The following AHI1 variants were observed in gnomAD, a reference collection of about 807,000 sequenced individuals.
AHI1 encodes jouberin.
A neutral mutation model predicts 149.3 loss-of-function variants in AHI1; 123 were observed. The observed-to-expected ratio is 0.82, with a 90% CI of 0.71 to 0.96. The LOEUF is 0.96. Among genes scored for constraint, AHI1 ranks in the 40% least tolerant of loss-of-function variants. AHI1 has a pLI of 0.00. For synonymous variants in AHI1, 475 were observed against 459.8 expected, an observed-to-expected ratio of 1.03 and a Z score of -0.42; for missense variants, 1,439 against 1,422.7, an observed-to-expected ratio of 1.01 and a Z score of -0.18.
chr6:135,431,123 T>C (rs1562753137), intron 17 of AHI1, 85 bp downstream of exon 17: 2 of 823,482 alleles, frequency 2.4e-6, no homozygotes, highest in Admixed American at 2.9e-5. Context: ...GAACAGAATG[T>C]CCTGACATCC....
chr6:135,348,039 A>G lies in AHI1; in HGVS notation c.3165+10093T>C, dbSNP rs533785354. Among the ~76,000 whole-genome samples, 32 of 152,334 alleles carry G rather than the reference A, an allele frequency of 2.1e-4. No individual in the cohort carries two copies. The East Asian group carries it at 3.3e-3, about 16-fold the overall frequency. On this transcript the variant is annotated intron_variant, in intron 24 of 28. Coordinates refer to ENST00000265602, the MANE Select transcript of AHI1 (RefSeq NM_001134831.2). ...GTGACCCAATTATGTAGTTATACCA[A>G]GGGTGTCTGTGTTAGTGACGGCCGT...
chr6:135,418,944 ATTTTTTT>A (rs560654045), intron 20 of AHI1, among the ~76,000 whole-genome samples: 1 of 141,396 alleles, frequency 7.1e-6, no homozygotes, highest in Admixed American at 7.1e-5. Flanking sequence ...AGTACTTATA[ATTTTTTT>A]TTTTTTTTTG....
intron 22 of AHI1, among the ~76,000 whole-genome samples, chr6:135,404,442 T>C (rs552393889): frequency 9.2e-5 from 14 of 152,314 alleles, no homozygotes; most frequent in Admixed American, 2.0e-4. Flanking sequence ...CTTTCTAAAA[T>C]TGGAATAACA....
At chr6:135,432,988 C>A (rs532104700) in intron 16 of AHI1, 39 bp downstream of exon 16, 3 of 1,490,752 alleles carry the variant, frequency 2.0e-6, no homozygotes, top group Admixed American at 1.7e-5. Flanking sequence ...AAAAAAAATT[C>A]TTCACATAGC....
At chr6:135,372,315 A>G (rs1775181933) in intron 23 of AHI1, among the ~76,000 whole-genome samples, 4 of 152,212 alleles carry the variant, frequency 2.6e-5, no homozygotes, top group Admixed American at 2.6e-4. Flanking sequence ...TGGTAGTGAT[A>G]CTGATGACAA....
chr6:135,297,717 C>A (rs780131855), intron 27 of AHI1, among the ~76,000 whole-genome samples: 1 of 150,654 alleles, frequency 6.6e-6, no homozygotes, highest in African/African-American at 2.4e-5. Context: ...AGGCAGAAAA[C>A]GGATAATAAA....
At chr6:135,368,709 T>C (rs1749052313) in intron 23 of AHI1, among the ~76,000 whole-genome samples, 1 of 151,950 alleles carries the variant, frequency 6.6e-6, no homozygotes, top group African/African-American at 2.4e-5. Flanking sequence ...CTCACCCAGT[T>C]CCCATGCATC....
At chr6:135,316,176 C>T (rs73776482) in intron 26 of AHI1, among the ~76,000 whole-genome samples, 11,019 of 152,144 alleles carry the variant, frequency 0.072, 1,269 homozygotes, top group African/African-American at 0.24. Context: ...AAAGTACTTC[C>T]TGCTTCCTCC....
chr6:135,474,762 G>C (rs1301267418), intron 5 of AHI1, among the ~76,000 whole-genome samples: 1 of 152,144 alleles, frequency 6.6e-6, no homozygotes, highest in Admixed American at 6.5e-5. Flanking sequence ...GTATATTCCT[G>C]ACATAAACTC....
intron 24 of AHI1, among the ~76,000 whole-genome samples, chr6:135,339,459 A>G (rs576508458): frequency 1.3e-5 from 2 of 152,320 alleles, no homozygotes; most frequent in South Asian, 4.1e-4. Context: ...GAAAGTATAC[A>G]TGTACCTCAC....
chr6:135,432,954 G>A, intron 16 of AHI1, 73 bp downstream of exon 16: 4 of 1,144,148 alleles, frequency 3.5e-6, no homozygotes, highest in Non-Finnish European at 3.9e-6. Flanking sequence ...ACCCTCTCAA[G>A]CCTAAATAAC....
At chr6:135,394,187 C>CTTTGTGGT (rs2128484153) in intron 23 of AHI1, among the ~76,000 whole-genome samples, 1 of 152,076 alleles carries the variant, frequency 6.6e-6, no homozygotes, top group South Asian at 2.1e-4. Context: ...CAGAAAAAGT[C>CTTTGTGGT]ATCTTTCAAT....
chr6:135,395,336 T>C (rs549053648), intron 22 of AHI1, among the ~76,000 whole-genome samples: 1 of 152,114 alleles, frequency 6.6e-6, no homozygotes, highest in East Asian at 1.9e-4. Context: ...CTCATGTTTA[T>C]ATACATCATG....
At chr6:135,496,398 G>A (rs754395651) in intron 2 of AHI1, among the ~76,000 whole-genome samples, 14 of 152,154 alleles carry the variant, frequency 9.2e-5, no homozygotes, top group African/African-American at 2.9e-4. Context: ...GATTACAGGC[G>A]TGACCCACTG....
intron 25 of AHI1, among the ~76,000 whole-genome samples, chr6:135,322,453 A>G (rs899280958): frequency 6.7e-6 from 1 of 149,734 alleles, no homozygotes; most frequent in Admixed American, 6.8e-5. Flanking sequence ...TCAGAAACTC[A>G]TATTTAGATT....
chr6:135,487,085 T>C (rs1356572044), intron 5 of AHI1, among the ~76,000 whole-genome samples: 1 of 152,164 alleles, frequency 6.6e-6, no homozygotes, highest in Non-Finnish European at 1.5e-5. Flanking sequence ...TAAAAGTCTA[T>C]TTTTGAACCC....
rs1241659240 is a variant in AHI1 at position 135,340,640 on chromosome 6, CATATATATACATACATACATATATAT to C, written c.3166-17342_3166-17317del. 5.5e-5 allele frequency among the ~76,000 whole-genome samples: 4 copies of C among 72,628 alleles called. No individual in the cohort carries two copies. In the South Asian group the frequency reaches 1.8e-3, roughly 33 times the overall value. 47.6% of individuals were successfully genotyped at this position (72,628 alleles called of 152,430 possible). A position where few individuals can be genotyped will look rare whatever the true frequency, so the allele number is the denominator to read the frequency against. On this transcript the variant is annotated intron_variant, in intron 24 of 28. Transcript: ENST00000265602. ...ACTACACAAAATATAAAAACCAGTA[CATATATATACATACATACATATATAT>C]ATATATATATATATATATATATATA...
intron 21 of AHI1, among the ~76,000 whole-genome samples, chr6:135,409,575 T>C (rs986634259): frequency 7.2e-5 from 11 of 152,166 alleles, no homozygotes; most frequent in Non-Finnish European, 1.6e-4. Flanking sequence ...TCCCCACTGA[T>C]TTATCTTTCT....
intron 13 of AHI1, among the ~76,000 whole-genome samples, chr6:135,446,254 A>G (rs1383291808): frequency 6.6e-6 from 1 of 152,204 alleles, no homozygotes; most frequent in Non-Finnish European, 1.5e-5. Flanking sequence ...TGGTCTTTAA[A>G]AAGGTAATTA....
Sources: allele counts gnomAD v4.1 joint callset (sites outside exome capture counted in the v4.1 genomes callset), GRCh38; gene constraint gnomAD v4.1.1; transcripts MANE v1.5; gene names NCBI Gene and HGNC (gene_info 2026-07-23, HGNC 2026-07-21).